Variants in BRF1 observed in about 807,000 individuals in gnomAD.
BRF1 encodes transcription factor IIIB 90 kDa subunit.
BRF1 carries 59 observed loss-of-function variants against 81.7 expected under a neutral mutation model. That is an observed-to-expected ratio of 0.72 (90% confidence interval 0.59 to 0.90). The LOEUF is 0.90. Ranked by LOEUF, BRF1 falls within the 40% of genes least tolerant of loss-of-function variation. The pLI is 0.00. For synonymous variants in BRF1, 491 were observed against 395.6 expected, an observed-to-expected ratio of 1.24 and a Z score of -2.86; for missense variants, 1,050 against 936.3, an observed-to-expected ratio of 1.12 and a Z score of -1.58.
chr14:105,225,882 G>A (rs753895147), intron 10 of BRF1, among the ~76,000 whole-genome samples, 187 bp downstream of exon 10: 12 of 152,158 alleles, frequency 7.9e-5, no homozygotes, highest in African/African-American at 1.2e-4. Context: ...TCCTGACCTC[G>A]TGATCCGCCT....
At chr14:105,241,944 C>A in intron 5 of BRF1, 1 of 174,702 alleles carries the variant, frequency 5.7e-6, no homozygotes, top group East Asian at 1.6e-4. Context: ...CAGCACGGCA[C>A]AGTGCCACGG....
At chr14:105,297,404 TA>T (rs201048485) in intron 1 of BRF1, among the ~76,000 whole-genome samples, 2,274 of 151,580 alleles carry the variant, frequency 0.015, 52 homozygotes, top group African/African-American at 0.053. Flanking sequence ...CCGTCTCTAC[TA>T]AAAAATATAC....
In BRF1 at chr14:105,210,275, T is replaced by C; in HGVS notation, c.*276A>G. On this transcript the variant is annotated 3_prime_UTR_variant, in exon 18 of 18. Coordinates refer to ENST00000547530, the MANE Select transcript of BRF1 (RefSeq NM_001519.4). This position sits in a 1 kb window ranked among gnomAD's most constrained non-coding sequence, Gnocchi z 4.7. ...CACACTGCCAGCCTTGGAGGGTCCTTGGATGAGTCGACGGCAGGCAGCGGG... is the reference window on the plus strand; with the variant it reads ...CACACTGCCAGCCTTGGAGGGTCCTCGGATGAGTCGACGGCAGGCAGCGGG... 2.0e-6 allele frequency: 1 copy of C among 490,844 alleles called. No homozygotes were observed. Among genetic ancestry groups the C allele is most frequent in the Non-Finnish European group, 3.7e-6 (1 of 268,290 alleles). 30.4% of individuals were successfully genotyped at this position (490,844 alleles called of 1,614,324 possible).
intron 6 of BRF1, among the ~76,000 whole-genome samples, chr14:105,229,554 C>G (rs952486608): frequency 6.6e-6 from 1 of 152,228 alleles, no homozygotes; most frequent in Non-Finnish European, 1.5e-5. Context: ...CATCCACCCA[C>G]CAGCACCAAG....
chr14:105,311,077 C>G (rs1270399415), intron 1 of BRF1, among the ~76,000 whole-genome samples: 1 of 152,078 alleles, frequency 6.6e-6, no homozygotes, highest in Non-Finnish European at 1.5e-5. Context: ...CTCAGCCTCC[C>G]GAGTAGCTGG....
chr14:105,265,490 G>A (rs2816618), intron 3 of BRF1, among the ~76,000 whole-genome samples: 36,483 of 152,000 alleles, frequency 0.24, 4,687 homozygotes, highest in South Asian at 0.28. Flanking sequence ...AGTGGTTCAC[G>A]CCTGTAATCC....
intron 1 of BRF1, among the ~76,000 whole-genome samples, chr14:105,313,830 G>A (rs902602366): frequency 6.6e-6 from 1 of 152,248 alleles, no homozygotes; most frequent in East Asian, 1.9e-4. Context: ...GACCACAGCC[G>A]CTGCCAAACA....
At chr14:105,250,553 G>A (rs1327115609) in intron 5 of BRF1, 1 of 1,614,150 alleles carries the variant, frequency 6.2e-7, no homozygotes, top group Admixed American at 1.7e-5. Context: ...CTTTGGGCAG[G>A]AGGGGATGAC....
rs778675626 is a variant in BRF1 at position 105,217,786 on chromosome 14, G to A, written c.1530C>T (p.Cys510=). 13 of 1,611,916 alleles carry A rather than the reference G, an allele frequency of 8.1e-6. No homozygotes were observed. The African/African-American group carries it at 1.1e-4, about 13-fold the overall frequency. Residue 510 remains cysteine (C), a synonymous_variant, in exon 15 of 18, where the codon TGC becomes TGT. Transcript: ENST00000547530. ...TGGCCTGAATTGGCTCCCGTCGCTT[G>A]CAAGACTTCTTGGGCTTGAGGGAAA... The part of the protein sequence containing the change: ...IYKEHKPKKS[C]KRREPIQAST...
intron 2 of BRF1, among the ~76,000 whole-genome samples, chr14:105,283,768 A>G (rs2057209071): frequency 6.6e-6 from 1 of 152,240 alleles, no homozygotes; most frequent in Non-Finnish European, 1.5e-5. Flanking sequence ...GGGAAAATAC[A>G]GACTACATTC....
chr14:105,226,121 T>C lies in BRF1; in HGVS notation c.996A>G (p.Leu332=), dbSNP rs752101814. The C allele has an allele frequency of 1.2e-6, 2 of 1,613,994 alleles. No individual in the cohort carries two copies. Among genetic ancestry groups the C allele is most frequent in the Non-Finnish European group, 8.5e-7 (1 of 1,180,038 alleles). ...CCTTGGCCTTTGGCCGGCTGTTTTC[T>C]AGTTCAATCTCAATTGCATCCTGGT... is the stretch of plus-strand genomic sequence containing the variant. ...SSYQDAIEIE[L]ENSRPKAKGG... Residue 332 remains leucine, a synonymous_variant, in exon 10 of 18, where the codon CTA becomes CTG. Coordinates refer to ENST00000547530, the MANE Select transcript of BRF1 (RefSeq NM_001519.4).
At chr14:105,254,308 G>A (rs1185104701) in intron 4 of BRF1, among the ~76,000 whole-genome samples, 1 of 152,226 alleles carries the variant, frequency 6.6e-6, no homozygotes, top group South Asian at 2.1e-4. Context: ...CCAGGCTGGA[G>A]TGCAGTGGTG....
chr14:105,217,218 A>G (rs879388136), intron 15 of BRF1: 35 of 461,798 alleles, frequency 7.6e-5, no homozygotes, highest in Non-Finnish European at 1.4e-4. Context: ...AGGGCTGGGG[A>G]CTCTTCTTCC....
chr14:105,250,426 G>A (rs1252099339), intron 5 of BRF1: 8 of 1,613,992 alleles, frequency 5.0e-6, no homozygotes, highest in East Asian at 4.5e-5. Flanking sequence ...ACTTGACCAA[G>A]TTCATGTCAG....
chr14:105,226,706 C>A lies in BRF1; in HGVS notation c.843G>T (p.Met281Ile). ...PTSQLTIDEFMKIDLEEECDP... is the reference protein window; with the variant it reads ...PTSQLTIDEFIKIDLEEECDP... The stretch of plus-strand genomic sequence containing the variant: ...CGCACTCCTCCTCCAGGTCGATCTT[C>A]ATGAACTCATCAATGGTCAACTGAC... The change falls in exon 8 of 18, where the codon ATG becomes ATT. Residue 281 changes from methionine (M) to isoleucine (I), a missense_variant. Met to Ile is a conservative substitution (Grantham distance 10). Coordinates refer to ENST00000547530, the MANE Select transcript of BRF1 (RefSeq NM_001519.4). The A allele has an allele frequency of 6.2e-7, 1 of 1,613,738 alleles. No individual in the cohort carries two copies. The highest frequency in any genetic ancestry group is 8.5e-7 in the Non-Finnish European group (1 of 1,180,028).
At chr14:105,267,791 CA>C (rs2056486664) in intron 3 of BRF1, among the ~76,000 whole-genome samples, 1 of 152,212 alleles carries the variant, frequency 6.6e-6, no homozygotes, top group Non-Finnish European at 1.5e-5. Context: ...CTGGCCAGAA[CA>C]GGGGGGCAGA....
At chr14:105,222,028 C>T (rs1192350833) in intron 10 of BRF1, 114 bp from the exon 11 acceptor site, 11 of 1,318,288 alleles carry the variant, frequency 8.3e-6, no homozygotes, top group African/African-American at 4.5e-5. Context: ...TGTCAGTGCA[C>T]GGTGCCTGGC....
intron 2 of BRF1, among the ~76,000 whole-genome samples, chr14:105,281,855 T>G (rs987796031): frequency 5.9e-5 from 9 of 151,902 alleles, no homozygotes; most frequent in African/African-American, 2.2e-4. Flanking sequence ...GCCTGACTCA[T>G]GTGGATTTGT....
Position 105,217,694 on chromosome 14 carries a change from C to G in BRF1, c.1622G>C (p.Ser541Thr), listed in dbSNP as rs376948887. Reference protein sequence around the residue: ...QKKISSKINYSVLRGLSSAGG... With the variant: ...QKKISSKINYTVLRGLSSAGG... ...GGCGCTGCTGAGGCCCCGGAGCACG[C>G]TATAATTGATCTTGCTGGAGATCTT... Residue 541 changes from serine to threonine, a missense_variant, in exon 15 of 18, where the codon AGC (serine) becomes ACC (threonine). Coordinates refer to ENST00000547530, the MANE Select transcript of BRF1 (RefSeq NM_001519.4). The G allele has an allele frequency of 3.1e-6, 5 of 1,613,318 alleles. No homozygotes were observed. The highest frequency in any genetic ancestry group is 4.2e-6 in the Non-Finnish European group (5 of 1,180,040).
Sources: allele counts gnomAD v4.1 joint callset (sites outside exome capture counted in the v4.1 genomes callset), GRCh38; gene constraint gnomAD v4.1.1; non-coding constraint Gnocchi (gnomAD v3.1); transcripts MANE v1.5; gene names NCBI Gene and HGNC (gene_info 2026-07-23, HGNC 2026-07-21).